Variants in PLXNB2 observed in about 807,000 individuals in gnomAD.
PLXNB2 encodes plexin B2.
PLXNB2 carries 85 observed loss-of-function variants against 202.6 expected under a neutral mutation model. The observed-to-expected ratio is 0.42, with a 90% confidence interval of 0.35 to 0.50. PLXNB2 has a LOEUF of 0.50. Among genes scored for constraint, PLXNB2 ranks in the 20% least tolerant of loss-of-function variants. The pLI is 0.02. For synonymous variants in PLXNB2, 1,239 were observed against 1,137.6 expected (o/e 1.09, Z -1.79); for missense variants, 2,063 against 2,586.2 (o/e 0.80, Z 4.39).
rs1232704305 is a variant in PLXNB2, at chr22:50,279,698, G to A, written c.4321C>T (p.Gln1441Ter). The A allele has an allele frequency of 6.2e-7, 1 of 1,613,802 alleles. No homozygotes were observed. The highest frequency in any genetic ancestry group is 8.5e-7 in the Non-Finnish European group (1 of 1,179,942). The change falls in exon 27 of 37, where the codon CAG (glutamine) becomes TAG (stop). Residue 1441 changes from glutamine (Q) to a stop codon, truncating the protein, a stop_gained. Coordinates refer to ENST00000359337, the MANE Select transcript of PLXNB2 (RefSeq NM_012401.4). LOFTEE classifies it high-confidence loss of function. ...QVEKGPVDAV[Q>*]KKAKYTLNDT... Reference sequence around the variant, plus strand: ...TTGAGAGTGTACTTGGCCTTCTTCTGTACCGCATCCACCGGGCCCTTTTCC... The same window carrying A: ...TTGAGAGTGTACTTGGCCTTCTTCTATACCGCATCCACCGGGCCCTTTTCC...
Position 50,280,492 on chromosome 22 carries a change from C to T in PLXNB2, c.4172G>A (p.Arg1391His), listed in dbSNP as rs1431309803. The change falls in exon 25 of 37, where the codon CGC (arginine) becomes CAC (histidine). Residue 1391 changes from arginine to histidine, a missense_variant. Coordinates refer to ENST00000359337, the MANE Select transcript of PLXNB2 (RefSeq NM_012401.4). ...TCGTGGCCCCGCCCATGTGCACCTG[C>T]GCAGCATCAGCTTGGGGTTCTTGGC... ...VVAKNPKLML[R>H]RSETVVERML... 2 of 1,605,914 alleles carry T rather than the reference C, an allele frequency of 1.2e-6. No homozygotes were observed. Among genetic ancestry groups the T allele is most frequent in the Non-Finnish European group, 1.7e-6 (2 of 1,177,358 alleles).
rs202213816 is a variant in PLXNB2, at chr22:50,283,702, G to A, written c.2470C>T (p.Leu824=). ...PLGGGIRITI[L]GSNLGVQAGD... ...GCTTGGACGCCCAAATTGGACCCCA[G>A]GATGGTGATGCGGATGCCCCCACCC... Residue 824 remains leucine, a synonymous_variant, in exon 15 of 37, where the codon CTG becomes TTG. Coordinates refer to ENST00000359337, the MANE Select transcript of PLXNB2 (RefSeq NM_012401.4). 1.9e-5 allele frequency: 31 copies of A among 1,613,190 alleles called. No homozygotes were observed. In the East Asian group the frequency reaches 6.5e-4, roughly 34 times the overall value.
At position 50,288,046 on chromosome 22, in the gene PLXNB2, G is replaced by A. The variant is rs755571096; in HGVS notation, c.1381-9C>T. On this transcript the variant is annotated splice_polypyrimidine_tract_variant and intron_variant, in intron 5 of 36. Transcript: ENST00000359337. The surrounding 1 kb of genome is among the most constrained non-coding windows in gnomAD (Gnocchi z 5.0). ...ACCGGCAGCCGGAACACCTAGGGCA[G>A]CGGGGCCGTGAGTGGGACCACAGCA... 1.9e-6 allele frequency: 3 copies of A among 1,550,382 alleles called. No individual in the cohort carries two copies. Among genetic ancestry groups the A allele is most frequent in the Admixed American group, 1.9e-5 (1 of 51,528 alleles).
In PLXNB2 at chr22:50,307,608, C is replaced by G; in HGVS notation, c.-129G>C. On this transcript the variant is annotated 5_prime_UTR_variant, in exon 1 of 37. Coordinates refer to ENST00000359337, the MANE Select transcript of PLXNB2 (RefSeq NM_012401.4). ...CCCGGGCCGCGCTCGGCGCTGCGCT[C>G]TGGCCCGCGCTGCTGCCATGGAGAC... The G allele has an allele frequency of 3.1e-6, 3 of 982,118 alleles. No individual in the cohort carries two copies. Among genetic ancestry groups the G allele is most frequent in the Non-Finnish European group, 3.6e-6 (3 of 828,646 alleles). 60.8% of individuals were successfully genotyped at this position (982,118 alleles called of 1,614,324 possible).
At position 50,275,232 on chromosome 22, in the gene PLXNB2, A is replaced by G. The variant is rs2065463348; in HGVS notation, c.*472T>C. ...CACCCTTGGGGAGGCCGGTGAGGTCAGGAAGGCATCGTACCGCTTTTTCTC... is the reference window on the plus strand; with the variant it reads ...CACCCTTGGGGAGGCCGGTGAGGTCGGGAAGGCATCGTACCGCTTTTTCTC... On this transcript the variant is annotated 3_prime_UTR_variant, in exon 37 of 37. Coordinates refer to ENST00000359337, the MANE Select transcript of PLXNB2 (RefSeq NM_012401.4). The G allele has an allele frequency of 5.6e-6, 2 of 360,048 alleles. No individual in the cohort carries two copies. The highest frequency in any genetic ancestry group is 4.0e-5 in the South Asian group (2 of 49,804). The allele number at this position is 360,048 out of a possible 1,614,324, so 22.3% of individuals were successfully genotyped here.
intron 1 of PLXNB2, among the ~76,000 whole-genome samples, chr22:50,306,080 G>C (rs1035678361): frequency 2.6e-5 from 4 of 152,212 alleles, no homozygotes; most frequent in Admixed American, 1.3e-4. Context: ...CTCCCGCTTC[G>C]GGTGACTGGA....
rs1198398582 is a variant in PLXNB2 at position 50,277,960 on chromosome 22, C to A, written c.4941G>T (p.Gly1647=). The change falls in exon 32 of 37, where the codon GGG becomes GGT. Residue 1647 remains glycine, a synonymous_variant. Transcript: ENST00000359337. ...ACTTGACTGCAGGTGGCACCGCGTG[C>A]CCAGGCGCCAGCACGCTCTGGAAGA... ...DNFFQSVLAP[G]HAVPPAVKYF... The A allele has an allele frequency of 4.3e-6, 7 of 1,612,864 alleles. No homozygotes were observed. Among genetic ancestry groups the A allele is most frequent in the Non-Finnish European group, 5.9e-6 (7 of 1,179,702 alleles).
chr22:50,284,560 C>T lies in PLXNB2; in HGVS notation c.2181+13G>A. 2 of 1,605,606 alleles carry T rather than the reference C, an allele frequency of 1.2e-6. No homozygotes were observed. Among genetic ancestry groups the T allele is most frequent in the Non-Finnish European group, 8.5e-7 (1 of 1,174,118 alleles). Reference sequence around the variant, plus strand: ...GGGTCCAGCAGCCGAGCCGGCCTGCCCTGGAGCCGTACCTTTGGGGTCCGA... The same window carrying T: ...GGGTCCAGCAGCCGAGCCGGCCTGCTCTGGAGCCGTACCTTTGGGGTCCGA... On this transcript the variant is annotated intron_variant, in intron 12 of 36. Transcript: ENST00000359337. The surrounding 1 kb of genome is among the most constrained non-coding windows in gnomAD (Gnocchi z 8.0).
chr22:50,294,991 A>T (rs1475595818), intron 1 of PLXNB2, among the ~76,000 whole-genome samples: 1 of 152,170 alleles, frequency 6.6e-6, no homozygotes, highest in South Asian at 2.1e-4. Flanking sequence ...CTGCCTGTTT[A>T]AACTAGGTAT....
intron 1 of PLXNB2, among the ~76,000 whole-genome samples, chr22:50,295,958 C>T (rs893388683): frequency 8.5e-5 from 13 of 152,104 alleles, no homozygotes; most frequent in East Asian, 5.8e-4. Flanking sequence ...AAAAATTAGC[C>T]GGGCGTAGTG....
intron 15 of PLXNB2, 60 bp downstream of exon 15, chr22:50,283,542 G>A (rs957160578): frequency 6.3e-5 from 32 of 507,582 alleles, no homozygotes; most frequent in African/African-American, 2.7e-4. Flanking sequence ...CCAGTCACCC[G>A]GAACCCCAGC....
At position 50,282,798 on chromosome 22, in the gene PLXNB2, C is replaced by T. The variant is rs747342576; in HGVS notation, c.2900G>A (p.Gly967Glu). The change falls in exon 18 of 37, where the codon GGG (glycine) becomes GAG (glutamate). Residue 967 changes from glycine (G) to glutamate (E), a missense_variant. Coordinates refer to ENST00000359337, the MANE Select transcript of PLXNB2 (RefSeq NM_012401.4). ...GATGCCGGGGTTGGGCACGGGGGAC[C>T]CCCCGTAGGAGACCTCCAGAAGCAT... Reference protein sequence around the residue: ...GQMLLEVSYGGSPVPNPGIFF... With the variant: ...GQMLLEVSYGESPVPNPGIFF... The T allele has an allele frequency of 2.5e-6, 4 of 1,610,212 alleles. No individual in the cohort carries two copies. The highest frequency in any genetic ancestry group is 2.2e-5 in the East Asian group (1 of 44,694).
rs2065449750 is a variant in PLXNB2, at chr22:50,275,078, G to A, written c.*626C>T. 2 of 208,918 alleles carry A rather than the reference G, an allele frequency of 9.6e-6. No homozygotes were observed. Among genetic ancestry groups the A allele is most frequent in the Admixed American group, 1.1e-4 (2 of 17,934 alleles). The allele number at this position is 208,918 out of a possible 1,614,324, so 12.9% of individuals were successfully genotyped here. ...GCTCCCAGTCCCCCCGGACTGGGTG[G>A]GGCTCTAGGGCAGCCTGTCTGACAG... On this transcript the variant is annotated 3_prime_UTR_variant, in exon 37 of 37. Transcript: ENST00000359337.
In PLXNB2 at chr22:50,283,640, G is replaced by A. The variant is rs1471512074; in HGVS notation, c.2532C>T (p.Asn844=). The A allele has an allele frequency of 1.2e-6, 2 of 1,613,078 alleles. No individual in the cohort carries two copies. The highest frequency in any genetic ancestry group is 1.7e-4 in the Middle Eastern group (1 of 6,060). Residue 844 remains asparagine, a synonymous_variant, in exon 15 of 37, where the codon AAC becomes AAT. Transcript: ENST00000359337. The part of the protein sequence containing the change: ...DIQRISVAGR[N]CSFQPERYSV... ...AGTAACGTTCCGGCTGAAAGGAGCA[G>A]TTCCGGCCGGCCACAGAGATCCTCT...
intron 15 of PLXNB2, 26 bp from the exon 16 acceptor site, chr22:50,283,471 C>G (rs760686003): frequency 6.2e-7 from 1 of 1,607,392 alleles, no homozygotes; most frequent in African/African-American, 1.3e-5. Flanking sequence ...CAGTGTGGCC[C>G]AGGCACTCCC....
Position 50,277,846 on chromosome 22 carries a change from G to GCCTC in PLXNB2, c.5048+3_5048+6dup. On this transcript the variant is annotated splice_region_variant and intron_variant, in intron 32 of 36. Coordinates refer to ENST00000359337, the MANE Select transcript of PLXNB2 (RefSeq NM_012401.4). ...GGCTGGGCCGCGGGGTGGGTGTGGA[G>GCCTC]CCTCACCTGTTCGTCTTCCAGATGT... 1 of 1,612,380 alleles carries GCCTC rather than the reference G, an allele frequency of 6.2e-7. No homozygotes were observed. The highest frequency in any genetic ancestry group is 8.5e-7 in the Non-Finnish European group (1 of 1,179,436).
chr22:50,287,368 G>T, intron 7 of PLXNB2, 104 bp from the exon 8 acceptor site: 1 of 1,305,376 alleles, frequency 7.7e-7, no homozygotes, highest in Non-Finnish European at 1.0e-6. Context: ...TCCCAGTGGA[G>T]CCTCCAGAAC....
chr22:50,283,532 C>T, intron 15 of PLXNB2, 70 bp downstream of exon 15: 1 of 1,570,548 alleles, frequency 6.4e-7, no homozygotes, highest in Non-Finnish European at 8.7e-7. Flanking sequence ...CCCCACCCAC[C>T]CAGTCACCCG....
chr22:50,277,302 A>AC (rs1244792398), intron 33 of PLXNB2, among the ~76,000 whole-genome samples: 1 of 149,456 alleles, frequency 6.7e-6, no homozygotes, highest in African/African-American at 2.4e-5. Flanking sequence ...CTCCATCTCA[A>AC]AAAAAAAAAA....
Sources: allele counts gnomAD v4.1 joint callset (sites outside exome capture counted in the v4.1 genomes callset), GRCh38; gene constraint gnomAD v4.1.1; non-coding constraint Gnocchi (gnomAD v3.1); transcripts MANE v1.5; gene names NCBI Gene and HGNC (gene_info 2026-07-23, HGNC 2026-07-21).